The following FGGY variants were observed in gnomAD, a reference collection of about 807,000 sequenced individuals.
The protein encoded by FGGY is FGGY carbohydrate kinase domain-containing protein.
A neutral mutation model predicts 71.3 loss-of-function variants in FGGY; 72 were observed. The observed-to-expected ratio is 1.01, with a 90% CI of 0.84 to 1.23. The LOEUF (loss-of-function observed/expected upper bound fraction) is 1.23, where lower values mean the gene tolerates loss of function less well. FGGY is among the 50% of genes most tolerant of loss of function. FGGY has a pLI of 0.00. For synonymous variants in FGGY, 251 were observed against 250.3 expected, an observed-to-expected ratio of 1.00 and a Z score of -0.02; for missense variants, 668 against 682.3, an observed-to-expected ratio of 0.98 and a Z score of 0.23.
chr1:59,505,310 C>T (rs896240420), intron 6 of FGGY, among the ~76,000 whole-genome samples: 8 of 152,184 alleles, frequency 5.3e-5, no homozygotes, highest in Non-Finnish European at 1.2e-4. Flanking sequence ...AGCATTAGAA[C>T]AGTGCTTGGC....
In FGGY at chr1:59,406,237, G is replaced by A. The variant is rs72664549; in HGVS notation, c.554+27400G>A. On this transcript the variant is annotated intron_variant, in intron 5 of 15. Coordinates refer to ENST00000303721, the MANE Select transcript of FGGY (RefSeq NM_018291.5). Reference sequence around the variant, plus strand: ...ATTCGCAGAAATGCTCAGAGAGGAGGATAATTTCTGAGTCTCTCGTCATGC... The same window carrying A: ...ATTCGCAGAAATGCTCAGAGAGGAGAATAATTTCTGAGTCTCTCGTCATGC... Among the ~76,000 whole-genome samples, 668 of 150,740 alleles carry A rather than the reference G, an allele frequency of 4.4e-3. 1 individual carries two copies. The highest frequency in any genetic ancestry group is 7.6e-3 in the Admixed American group (115 of 15,062).
At chr1:59,687,586 C>T (rs2097554497) in intron 14 of FGGY, among the ~76,000 whole-genome samples, 1 of 151,898 alleles carries the variant, frequency 6.6e-6, no homozygotes. Context: ...CCTGCCTCAG[C>T]CTCCCGAGTA....
intron 2 of FGGY, among the ~76,000 whole-genome samples, chr1:59,327,103 T>C (rs1434648259): frequency 6.6e-6 from 1 of 152,216 alleles, no homozygotes. Flanking sequence ...GTTAGGTGGC[T>C]GTGGTAATTT....
chr1:59,379,456 G>A (rs1051433632), intron 5 of FGGY, among the ~76,000 whole-genome samples: 1 of 151,994 alleles, frequency 6.6e-6, no homozygotes, highest in Non-Finnish European at 1.5e-5. Flanking sequence ...AAAATACAAT[G>A]TAAAAGATAA....
chr1:59,732,938 C>G (rs973738333), intron 14 of FGGY, among the ~76,000 whole-genome samples: 1 of 152,084 alleles, frequency 6.6e-6, no homozygotes, highest in Admixed American at 6.5e-5. Context: ...CCCCCTGTTC[C>G]CCGTAATTGT....
At chr1:59,427,829 T>C (rs2153455090) in intron 5 of FGGY, among the ~76,000 whole-genome samples, 1 of 152,300 alleles carries the variant, frequency 6.6e-6, no homozygotes, top group South Asian at 2.1e-4. Flanking sequence ...AGGTGGTCTA[T>C]GTTCAGGGGC....
intron 14 of FGGY, among the ~76,000 whole-genome samples, chr1:59,725,901 C>A (rs2097941949): frequency 6.6e-6 from 1 of 152,008 alleles, no homozygotes; most frequent in African/African-American, 2.4e-5. Flanking sequence ...AGTATGTATG[C>A]CTTCTCATTT....
chr1:59,580,443 T>C (rs191351766), intron 8 of FGGY, among the ~76,000 whole-genome samples: 2 of 152,218 alleles, frequency 1.3e-5, no homozygotes, highest in Admixed American at 1.3e-4. Flanking sequence ...GTGCATCCTC[T>C]CAGACTCCAG....
intron 4 of FGGY, among the ~76,000 whole-genome samples, chr1:59,373,629 A>G (rs1478549265): frequency 1.3e-5 from 2 of 152,220 alleles, no homozygotes; most frequent in Non-Finnish European, 2.9e-5. Context: ...ACAAAGCTGG[A>G]GGCATCACGC....
chr1:59,334,403 C>T (rs964267709), intron 2 of FGGY, among the ~76,000 whole-genome samples: 1 of 152,188 alleles, frequency 6.6e-6, no homozygotes, highest in African/African-American at 2.4e-5. Flanking sequence ...CTTGGCCTCC[C>T]AAAGTGTTGG....
chr1:59,625,287 A>G (rs1014785383), intron 9 of FGGY, among the ~76,000 whole-genome samples: 3 of 152,028 alleles, frequency 2.0e-5, no homozygotes, highest in Admixed American at 6.5e-5. Context: ...ATTTCATACT[A>G]TTTTGTTTAG....
intron 2 of FGGY, among the ~76,000 whole-genome samples, chr1:59,324,568 G>A (rs939620716): frequency 1.3e-5 from 2 of 152,066 alleles, no homozygotes; most frequent in Non-Finnish European, 2.9e-5. Flanking sequence ...GAGCCACCGC[G>A]CCCGGCCAAT....
chr1:59,615,755 A>T (rs2153829144), intron 9 of FGGY, among the ~76,000 whole-genome samples: 1 of 152,324 alleles, frequency 6.6e-6, no homozygotes, highest in Non-Finnish European at 1.5e-5. Flanking sequence ...CATCTGACAA[A>T]GGGCTAATAT....
intron 14 of FGGY, among the ~76,000 whole-genome samples, chr1:59,724,260 C>T (rs554241597): frequency 1.3e-4 from 19 of 149,926 alleles, no homozygotes; most frequent in African/African-American, 2.2e-4. Flanking sequence ...AGGCAGATCA[C>T]GAGGTCAGGA....
intron 8 of FGGY, among the ~76,000 whole-genome samples, chr1:59,601,000 T>G (rs1039924182): frequency 1.2e-4 from 17 of 147,548 alleles, no homozygotes; most frequent in Admixed American, 3.4e-4. Flanking sequence ...TTTTTTTTTT[T>G]GTACCATGTG....
intron 5 of FGGY, among the ~76,000 whole-genome samples, chr1:59,429,660 A>G (rs1037217759): frequency 1.3e-5 from 2 of 152,228 alleles, no homozygotes; most frequent in Non-Finnish European, 2.9e-5. Context: ...GCACACATGC[A>G]TATGCATCCA....
intron 11 of FGGY, among the ~76,000 whole-genome samples, chr1:59,654,011 A>G (rs1378152661): frequency 8.5e-5 from 13 of 152,264 alleles, no homozygotes; most frequent in South Asian, 2.1e-4. Flanking sequence ...AAATAATTCT[A>G]TCTGCCCAGT....
intron 5 of FGGY, among the ~76,000 whole-genome samples, chr1:59,426,882 C>T (rs2066470409): frequency 6.6e-6 from 1 of 151,864 alleles, no homozygotes; most frequent in Non-Finnish European, 1.5e-5. Context: ...AACTGGTTGC[C>T]TGCAATTCTG....
intron 7 of FGGY, among the ~76,000 whole-genome samples, chr1:59,542,625 T>G (rs2095461600): frequency 6.6e-6 from 1 of 151,758 alleles, no homozygotes; most frequent in Admixed American, 6.6e-5. Flanking sequence ...CCCGGCTAAT[T>G]TTGTATTTTT....
Sources: gnomAD v4.1 joint callset for allele counts (sites outside exome capture counted in the v4.1 genomes callset) on GRCh38, gnomAD v4.1.1 for gene constraint, MANE v1.5 for transcripts, NCBI Gene and HGNC (gene_info 2026-07-23, HGNC 2026-07-21) for gene names.